CTCF: variants seen among roughly 807,000 people sequenced by gnomAD.
CTCF encodes transcriptional repressor CTCF.
CTCF carries 7 observed loss-of-function variants against 72.3 expected under a neutral mutation model. The ratio of observed to expected loss-of-function variants is 0.10; its 90% CI spans 0.06 to 0.18. The LOEUF is 0.18. CTCF is among the 10% of genes least tolerant of loss of function. The probability of loss-of-function intolerance (pLI) is 1.00; values close to 1 mark genes in which losing one functional copy is unlikely to be tolerated. For synonymous variants in CTCF, 374 were observed against 315.8 expected (o/e 1.18, Z -1.95); for missense variants, 516 against 949.1 (o/e 0.54, Z 6.00).
chr16:67,591,177 C>T (rs1205725023), intron 2 of CTCF, among the ~76,000 whole-genome samples: 1 of 151,810 alleles, frequency 6.6e-6, no homozygotes, highest in Non-Finnish European at 1.5e-5. Flanking sequence ...CCTGTAATCC[C>T]AGCTACTCAG....
At chr16:67,600,240 A>T (rs1055703551) in intron 2 of CTCF, among the ~76,000 whole-genome samples, 2 of 151,432 alleles carry the variant, frequency 1.3e-5, no homozygotes, top group South Asian at 2.1e-4. Context: ...TATTTTTTTT[A>T]TTTTTTTTAT....
intron 2 of CTCF, among the ~76,000 whole-genome samples, chr16:67,584,286 C>T (rs549528906): frequency 3.7e-4 from 55 of 148,888 alleles, no homozygotes; most frequent in East Asian, 8.0e-4. Context: ...GGTGCCATTG[C>T]GCTCCAGCCT....
At chr16:67,623,580 A>T (rs1423536350) in intron 7 of CTCF, among the ~76,000 whole-genome samples, 1 of 151,482 alleles carries the variant, frequency 6.6e-6, no homozygotes, top group African/African-American at 2.4e-5. Flanking sequence ...GGTTGCAACG[A>T]GCCGAGATCG....
At chr16:67,580,538 TTTTATTTATTTATGTA>T (rs1483907448) in intron 2 of CTCF, among the ~76,000 whole-genome samples, 1 of 151,384 alleles carries the variant, frequency 6.6e-6, no homozygotes, top group African/African-American at 2.4e-5. Context: ...TTTATTTTTA[TTTTATTTATTTATGTA>T]TTTATTTATT....
At chr16:67,590,927 C>T (rs2051734055) in intron 2 of CTCF, among the ~76,000 whole-genome samples, 2 of 143,026 alleles carry the variant, frequency 1.4e-5, no homozygotes, top group African/African-American at 2.6e-5. Flanking sequence ...CACCATTGCA[C>T]TCCAGCCTGG....
At chr16:67,636,565 A>AAG in intron 10 of CTCF, 125 bp from the exon 11 acceptor site, 1 of 307,866 alleles carries the variant, frequency 3.2e-6, no homozygotes. Context: ...AAAAGAAAGA[A>AAG]AGTGTATATA....
At chr16:67,607,510 T>G (rs1284450950) in intron 2 of CTCF, among the ~76,000 whole-genome samples, 4 of 151,738 alleles carry the variant, frequency 2.6e-5, no homozygotes, top group African/African-American at 9.7e-5. Context: ...TTTGCCATGT[T>G]AGCCAGGCTG....
At chr16:67,573,859 C>T (rs1375694757) in intron 2 of CTCF, among the ~76,000 whole-genome samples, 2 of 152,110 alleles carry the variant, frequency 1.3e-5, no homozygotes, top group East Asian at 3.9e-4. Flanking sequence ...GGTGAAATCC[C>T]ATCTCTACTA....
chr16:67,595,044 C>A (rs2051793434), intron 2 of CTCF, among the ~76,000 whole-genome samples: 1 of 152,132 alleles, frequency 6.6e-6, no homozygotes, highest in Admixed American at 6.6e-5. Context: ...ACAAACTGTA[C>A]AGAGCTCTGG....
intron 2 of CTCF, among the ~76,000 whole-genome samples, chr16:67,609,228 C>T (rs1316401213): frequency 6.6e-6 from 1 of 152,144 alleles, no homozygotes; most frequent in East Asian, 1.9e-4. Flanking sequence ...TTCATATATG[C>T]ATCATCTCAC....
At chr16:67,608,318 C>T (rs1335149577) in intron 2 of CTCF, among the ~76,000 whole-genome samples, 8 of 149,258 alleles carry the variant, frequency 5.4e-5, no homozygotes, top group Admixed American at 2.0e-4. Flanking sequence ...AGCGAGACTC[C>T]GTCTCAAAAA....
chr16:67,565,679 A>AC, intron 1 of CTCF, among the ~76,000 whole-genome samples: 1 of 152,032 alleles, frequency 6.6e-6, no homozygotes, highest in Non-Finnish European at 1.5e-5. Context: ...ATCTCAAAAA[A>AC]AAAAAAAAAA....
chr16:67,569,606 C>T (rs1020299148), intron 1 of CTCF, among the ~76,000 whole-genome samples: 7 of 151,648 alleles, frequency 4.6e-5, no homozygotes, highest in Non-Finnish European at 8.8e-5. Context: ...CAAAGTATTC[C>T]GTTATTCGAC....
At chr16:67,632,604 C>G (rs905364772) in intron 10 of CTCF, among the ~76,000 whole-genome samples, 7 of 152,048 alleles carry the variant, frequency 4.6e-5, no homozygotes, top group African/African-American at 1.7e-4. Flanking sequence ...TGCTGAAATA[C>G]CACCAAGCCA....
chr16:67,583,745 A>G (rs1431862004), intron 2 of CTCF, among the ~76,000 whole-genome samples: 4 of 152,076 alleles, frequency 2.6e-5, no homozygotes, highest in Non-Finnish European at 5.9e-5. Context: ...GTAGTAAGCA[A>G]GAGTATACAG....
intron 4 of CTCF, among the ~76,000 whole-genome samples, chr16:67,613,550 A>G (rs1039158324): frequency 7.2e-5 from 11 of 152,234 alleles, no homozygotes; most frequent in Admixed American, 5.9e-4. Flanking sequence ...AATGGGGGGT[A>G]GATGACCTGA....
intron 2 of CTCF, among the ~76,000 whole-genome samples, chr16:67,590,412 C>CT (rs959410512): frequency 2.8e-4 from 42 of 151,138 alleles, no homozygotes; most frequent in Middle Eastern, 3.4e-3. Flanking sequence ...ATGCTCTTAA[C>CT]TTTTTTTTTA....
intron 10 of CTCF, among the ~76,000 whole-genome samples, chr16:67,634,399 G>A (rs2052402453): frequency 6.6e-6 from 1 of 151,932 alleles, no homozygotes; most frequent in Non-Finnish European, 1.5e-5. Context: ...GTAGAGATGG[G>A]GTTTCACCAT....
intron 2 of CTCF, among the ~76,000 whole-genome samples, chr16:67,577,253 C>T (rs2051509748): frequency 6.7e-6 from 1 of 148,638 alleles, no homozygotes; most frequent in South Asian, 2.2e-4. Flanking sequence ...CCCGTTTCTA[C>T]TAAAAATACA....
Sources: gnomAD v4.1 joint callset for allele counts (sites outside exome capture counted in the v4.1 genomes callset) on GRCh38, gnomAD v4.1.1 for gene constraint, MANE v1.5 for transcripts, NCBI Gene and HGNC (gene_info 2026-07-23, HGNC 2026-07-21) for gene names.